Variants in RAP2A observed in about 807,000 individuals in gnomAD.
The protein encoded by RAP2A is ras-related protein Rap-2a.
A neutral mutation model predicts 15.1 loss-of-function variants in RAP2A; 5 were observed. The observed-to-expected ratio is 0.33, with a 90% CI of 0.17 to 0.70. The LOEUF (loss-of-function observed/expected upper bound fraction) is 0.70. Ranked by LOEUF, RAP2A falls within the 30% of genes least tolerant of loss-of-function variation. The pLI, the probability that RAP2A is intolerant of heterozygous loss-of-function variation, is 0.68. For synonymous variants in RAP2A, 110 were observed against 99.7 expected, an observed-to-expected ratio of 1.10 and a Z score of -0.62; for missense variants, 111 against 240.3, an observed-to-expected ratio of 0.46 and a Z score of 3.56.
intron 1 of RAP2A, among the ~76,000 whole-genome samples, chr13:97,449,344 T>G (rs2066692432): frequency 6.6e-6 from 1 of 152,194 alleles, no homozygotes; most frequent in South Asian, 2.1e-4. Context: ...GTTAGGAGAC[T>G]GTTGCAGTGT....
chr13:97,439,531 A>T (rs560730569), intron 1 of RAP2A, among the ~76,000 whole-genome samples: 167 of 152,346 alleles, frequency 1.1e-3, no homozygotes, highest in African/African-American at 3.3e-3. Context: ...ATGGAGGAAT[A>T]GCTGGGGGAG....
At position 97,434,800 on chromosome 13, in the gene RAP2A, CG is replaced by C. The variant is rs779218179; in HGVS notation, c.314+21del. On this transcript the variant is annotated intron_variant, in intron 1 of 1. Transcript: ENST00000245304. ...GCGTGAAGCGGTGAGCGAGGGCACA[CG>C]GGGGCTTGGCGGCTGCACCCCGGAG... The C allele has an allele frequency of 1.2e-6, 2 of 1,612,344 alleles. No homozygotes were observed. Among genetic ancestry groups the C allele is most frequent in the African/African-American group, 1.3e-5 (1 of 74,906 alleles).
Position 97,437,894 on chromosome 13 carries a change from A to G in RAP2A, c.314+3110A>G, listed in dbSNP as rs117789110. Among the ~76,000 whole-genome samples, 846 of 152,286 alleles carry G rather than the reference A, an allele frequency of 5.6e-3. 2 individuals carry two copies. Among genetic ancestry groups the G allele is most frequent in the Non-Finnish European group, 8.4e-3 (573 of 68,002 alleles). On this transcript the variant is annotated intron_variant, in intron 1 of 1. Transcript: ENST00000245304. The stretch of plus-strand genomic sequence containing the variant: ...ATAGCAGTCATTTTCAAGGATTGCT[A>G]TTACTTGAAATGTTTCACTTTTAAG...
chr13:97,434,431 T>C lies in RAP2A; in HGVS notation c.-40T>C, dbSNP rs777346364. 2 of 1,537,358 alleles carry C rather than the reference T, an allele frequency of 1.3e-6. No homozygotes were observed. Among genetic ancestry groups the C allele is most frequent in the Non-Finnish European group, 1.8e-6 (2 of 1,142,498 alleles). On this transcript the variant is annotated 5_prime_UTR_variant, in exon 1 of 2. The change abolishes an upstream ATG in the 5' untranslated region. Transcript: ENST00000245304. ...GCGCAGCGCGGCCGGCGTAGGTCTA[T>C]GTCGCGGGCGGCGGCGGCGGCGGCG...
rs2066760602 is a variant in RAP2A, at chr13:97,464,323, A to G, written c.433A>G (p.Thr145Ala). The change falls in exon 2 of 2, where the codon ACT becomes GCT. Residue 145 changes from threonine to alanine, a missense_variant. By Grantham distance (58) the Thr-to-Ala change is moderately conservative. Transcript: ENST00000245304. ...AGAGTGGGGCTGCCCCTTTATGGAA[A>G]CTTCCGCTAAGAGTAAAACAATGGT... ...AEEWGCPFMETSAKSKTMVDE... is the reference protein window; with the variant it reads ...AEEWGCPFMEASAKSKTMVDE... 2.5e-6 allele frequency: 4 copies of G among 1,614,206 alleles called. No homozygotes were observed. The East Asian group carries it at 8.9e-5, about 36-fold the overall frequency.
intron 1 of RAP2A, among the ~76,000 whole-genome samples, chr13:97,446,719 A>G (rs2066681308): frequency 6.6e-6 from 1 of 152,166 alleles, no homozygotes; most frequent in Admixed American, 6.5e-5. Context: ...CCCGGAGGCT[A>G]GATAGAGAGG....
At chr13:97,450,795 C>T (rs1195665165) in intron 1 of RAP2A, among the ~76,000 whole-genome samples, 5 of 152,072 alleles carry the variant, frequency 3.3e-5, no homozygotes, top group Non-Finnish European at 5.9e-5. Flanking sequence ...TGGAAAATCT[C>T]CATTTCTAAT....
rs2066768182 is a variant in RAP2A, at chr13:97,465,787, A to T, written c.*1345A>T. ...ATGACTAATGGCACAGGAAAAACCT[A>T]TTCATAAGTTTTACAATCAAGTATA... On this transcript the variant is annotated 3_prime_UTR_variant, in exon 2 of 2. Transcript: ENST00000245304. 1 of 152,236 alleles carries T rather than the reference A, an allele frequency of 6.6e-6. No homozygotes were observed. Among genetic ancestry groups the T allele is most frequent in the South Asian group, 2.1e-4 (1 of 4,838 alleles). The allele number at this position is 152,236 out of a possible 1,614,324, so 9.4% of individuals were successfully genotyped here.
At chr13:97,438,368 C>G (rs1165684655) in intron 1 of RAP2A, among the ~76,000 whole-genome samples, 2 of 152,146 alleles carry the variant, frequency 1.3e-5, no homozygotes, top group African/African-American at 4.8e-5. Flanking sequence ...GACCTTAAGT[C>G]CTTGAAAGTA....
chr13:97,459,392 A>C (rs1028227882), intron 1 of RAP2A, among the ~76,000 whole-genome samples: 1 of 151,782 alleles, frequency 6.6e-6, no homozygotes, highest in African/African-American at 2.4e-5. Context: ...TCATCTTCCT[A>C]AATAACAGAG....
intron 1 of RAP2A, among the ~76,000 whole-genome samples, chr13:97,449,026 T>C (rs2066691140): frequency 6.6e-6 from 1 of 152,116 alleles, no homozygotes; most frequent in African/African-American, 2.4e-5. Context: ...CAGTGGAGAC[T>C]TTAGCATAGT....
chr13:97,462,836 G>C (rs182600058), intron 1 of RAP2A, among the ~76,000 whole-genome samples: 1 of 152,282 alleles, frequency 6.6e-6, no homozygotes, highest in East Asian at 1.9e-4. Context: ...TTGGGAATTT[G>C]GTTTGCTTTA....
chr13:97,462,780 G>A (rs1032418901), intron 1 of RAP2A, among the ~76,000 whole-genome samples: 6 of 152,114 alleles, frequency 3.9e-5, no homozygotes, highest in Non-Finnish European at 7.3e-5. Flanking sequence ...CTCTTGTTGA[G>A]ACCATTCTTA....
At chr13:97,453,745 G>A (rs74745822) in intron 1 of RAP2A, among the ~76,000 whole-genome samples, 1 of 150,666 alleles carries the variant, frequency 6.6e-6, no homozygotes, top group Non-Finnish European at 1.5e-5. Context: ...TTTTTCACTC[G>A]TGATGATTAT....
chr13:97,438,173 T>C (rs1003785587), intron 1 of RAP2A, among the ~76,000 whole-genome samples: 8 of 152,240 alleles, frequency 5.3e-5, no homozygotes, highest in Non-Finnish European at 1.0e-4. Flanking sequence ...TTTTTCATTG[T>C]TACCCATGCC....
intron 1 of RAP2A, among the ~76,000 whole-genome samples, chr13:97,447,512 A>G (rs1311207933): frequency 3.3e-5 from 5 of 152,362 alleles, no homozygotes; most frequent in Admixed American, 3.3e-4. Context: ...TTATAAGTAA[A>G]GATCCCTGCA....
At chr13:97,448,482 A>T (rs980687746) in intron 1 of RAP2A, among the ~76,000 whole-genome samples, 4 of 152,100 alleles carry the variant, frequency 2.6e-5, no homozygotes. Flanking sequence ...CTAAGCTGTT[A>T]GTAAAGTCAT....
At chr13:97,446,059 C>G (rs1407456964) in intron 1 of RAP2A, among the ~76,000 whole-genome samples, 3 of 152,202 alleles carry the variant, frequency 2.0e-5, no homozygotes, top group African/African-American at 7.2e-5. Context: ...TCTTAACAAT[C>G]ACATATCTAT....
intron 1 of RAP2A, among the ~76,000 whole-genome samples, chr13:97,452,534 A>G (rs781036470): frequency 6.6e-6 from 1 of 151,100 alleles, no homozygotes; most frequent in Non-Finnish European, 1.5e-5. Context: ...GTAAGTATTG[A>G]TATCTGGTGT....
Sources: allele counts gnomAD v4.1 joint callset (sites outside exome capture counted in the v4.1 genomes callset), GRCh38; gene constraint gnomAD v4.1.1; transcripts MANE v1.5; gene names NCBI Gene and HGNC (gene_info 2026-07-23, HGNC 2026-07-21).